The following NPHP4 variants were observed in gnomAD, a reference collection of about 807,000 sequenced individuals.
NPHP4 encodes the protein nephrocystin 4.
NPHP4 carries 151 observed loss-of-function variants against 155.8 expected under a neutral mutation model. That is an observed-to-expected ratio of 0.97 (90% CI 0.85 to 1.11). NPHP4 has a LOEUF of 1.11. Among genes scored for constraint, NPHP4 ranks in the 50% least tolerant of loss-of-function variants. The probability of loss-of-function intolerance (pLI) is 0.00; values close to 1 mark genes in which losing one functional copy is unlikely to be tolerated. For synonymous variants in NPHP4, 845 were observed against 816.8 expected, an observed-to-expected ratio of 1.03 and a Z score of -0.59; for missense variants, 1,956 against 1,925.7, an observed-to-expected ratio of 1.02 and a Z score of -0.29.
chr1:5,895,455 G>A (rs1045048862), intron 16 of NPHP4, among the ~76,000 whole-genome samples: 9 of 152,092 alleles, frequency 5.9e-5, no homozygotes, highest in Non-Finnish European at 1.0e-4. Flanking sequence ...TGCCAAGATC[G>A]CGCCACTGCA....
At chr1:5,870,711 T>A (rs1025393554) in intron 23 of NPHP4, among the ~76,000 whole-genome samples, 1 of 152,220 alleles carries the variant, frequency 6.6e-6, no homozygotes, top group Non-Finnish European at 1.5e-5. Flanking sequence ...AGCAACACGG[T>A]GTCCCTCACA....
At chr1:5,876,172 G>A (rs562938719) in intron 20 of NPHP4, 2 of 143,200 alleles carry the variant, frequency 1.4e-5, no homozygotes, top group East Asian at 4.8e-4. Context: ...CAGAGCTAAG[G>A]TTATCCAGGC....
intron 12 of NPHP4, among the ~76,000 whole-genome samples, chr1:5,908,595 C>T (rs1016239638): frequency 6.6e-6 from 1 of 152,194 alleles, no homozygotes; most frequent in Non-Finnish European, 1.5e-5. Flanking sequence ...AGACCGCTGG[C>T]GGGCAACGGC....
At position 5,890,889 on chromosome 1, in the gene NPHP4, T is replaced by G. The variant is rs1644089451; in HGVS notation, c.2283A>C (p.Gly761=). ...VWDGDSLLLI[G]SAAVQMKHLL... ...CTACCTTCATCTGGACGGCAGCAGA[T>G]CCGATGAGCAGCAGGGAGTCTCCGT... Residue 761 remains glycine, a synonymous_variant, in exon 17 of 30, where the codon GGA becomes GGC. Transcript: ENST00000378156. The surrounding 1 kb of genome is among the most constrained non-coding windows in gnomAD (Gnocchi z 4.9). The G allele has an allele frequency of 3.1e-6, 5 of 1,610,272 alleles. No homozygotes were observed. In the Admixed American group the frequency reaches 5.0e-5, roughly 16 times the overall value.
intron 18 of NPHP4, among the ~76,000 whole-genome samples, chr1:5,885,417 G>A (rs1643708871): frequency 6.6e-6 from 1 of 152,228 alleles, no homozygotes; most frequent in African/African-American, 2.4e-5. Flanking sequence ...CCACAACCAA[G>A]ATCACTGGGA....
At chr1:5,943,789 C>G (rs1378896397) in intron 9 of NPHP4, among the ~76,000 whole-genome samples, 4 of 152,082 alleles carry the variant, frequency 2.6e-5, no homozygotes, top group Non-Finnish European at 5.9e-5. Context: ...GAAATGCAGT[C>G]AAGGTTAGGT....
chr1:5,956,046 T>C (rs6660956), intron 6 of NPHP4, among the ~76,000 whole-genome samples: 53,176 of 130,324 alleles, frequency 0.41, 10,886 homozygotes, highest in East Asian at 0.77. Flanking sequence ...TTTAACAGAA[T>C]GTTTCAAAAA....
intron 9 of NPHP4, among the ~76,000 whole-genome samples, chr1:5,946,565 T>C (rs113546433): frequency 7.2e-5 from 11 of 152,378 alleles, no homozygotes; most frequent in East Asian, 3.8e-4. Context: ...TTGTGAAATA[T>C]GTATTTGATC....
At chr1:5,942,424 A>G (rs936546009) in intron 9 of NPHP4, among the ~76,000 whole-genome samples, 2 of 150,120 alleles carry the variant, frequency 1.3e-5, no homozygotes, top group East Asian at 4.0e-4. Context: ...CCAGCTACTC[A>G]GGAGGCTGAG....
At chr1:5,945,703 C>T (rs1198610103) in intron 9 of NPHP4, among the ~76,000 whole-genome samples, 1 of 152,204 alleles carries the variant, frequency 6.6e-6, no homozygotes, top group East Asian at 1.9e-4. Context: ...CAGGCCAGAT[C>T]GCCATGGAAG....
rs1570174397 is a variant in NPHP4, at chr1:5,879,257, C to T, written c.2611+857G>A. 1.4e-5 allele frequency: 4 copies of T among 277,054 alleles called. 1 individual carries two copies. The Admixed American group carries it at 2.0e-4, about 14-fold the overall frequency. The allele number at this position is 277,054 out of a possible 1,614,324, so 17.2% of individuals were successfully genotyped here. On this transcript the variant is annotated intron_variant, in intron 19 of 29. Coordinates refer to ENST00000378156, the MANE Select transcript of NPHP4 (RefSeq NM_015102.5). ...GCTGTGAATTCACACAGATGATCTG[C>T]AACCTCTGGGGAAAATGCTCCTTAA... is the stretch of plus-strand genomic sequence containing the variant.
intron 5 of NPHP4, among the ~76,000 whole-genome samples, chr1:5,964,470 T>C (rs901148302): frequency 6.6e-6 from 1 of 152,092 alleles, no homozygotes; most frequent in Non-Finnish European, 1.5e-5. Flanking sequence ...CATTAGCATA[T>C]CATTATAATG....
At position 5,874,552 on chromosome 1, in the gene NPHP4, C is replaced by T. The variant is rs776468806; in HGVS notation, c.3150G>A (p.Gln1050=). 26 of 1,604,118 alleles carry T rather than the reference C, an allele frequency of 1.6e-5. No homozygotes were observed. Among genetic ancestry groups the T allele is most frequent in the Non-Finnish European group, 2.1e-5 (25 of 1,176,150 alleles). Reference sequence around the variant, plus strand: ...CGGTCTCGTGGGGGCGCAGGTAGAGCTGGGGGGCCAGGCTGCCACGCAGGT... The same window carrying T: ...CGGTCTCGTGGGGGCGCAGGTAGAGTTGGGGGGCCAGGCTGCCACGCAGGT... ...MFHLRGSLAP[Q]LYLRPHETAH... Residue 1050 remains glutamine (Q), a synonymous_variant, in exon 22 of 30, where the codon CAG becomes CAA. Coordinates refer to ENST00000378156, the MANE Select transcript of NPHP4 (RefSeq NM_015102.5).
chr1:5,958,692 CA>C (rs35749567), intron 6 of NPHP4, among the ~76,000 whole-genome samples: 24,351 of 124,850 alleles, frequency 0.2, 2,106 homozygotes, highest in African/African-American at 0.25. Context: ...AAGACTGTCT[CA>C]AAAAAAAAAA....
At chr1:5,947,648 T>C (rs1450298263) in intron 8 of NPHP4, among the ~76,000 whole-genome samples, 3 of 152,152 alleles carry the variant, frequency 2.0e-5, no homozygotes, top group African/African-American at 7.2e-5. Context: ...CCTGGCACCA[T>C]GAGAGAGGAA....
At chr1:5,977,497 T>C (rs898878425) in intron 3 of NPHP4, among the ~76,000 whole-genome samples, 14 of 152,096 alleles carry the variant, frequency 9.2e-5, no homozygotes, top group Non-Finnish European at 1.6e-4. Context: ...GGTCTCCTCC[T>C]GAGAATTTAA....
At chr1:5,879,811 ACGCAAACACACACACACACG>A (rs1429495553) in intron 19 of NPHP4, among the ~76,000 whole-genome samples, 5 of 115,318 alleles carry the variant, frequency 4.3e-5, no homozygotes, top group African/African-American at 1.7e-4. Flanking sequence ...ACACACACAC[ACGCAAACACACACACACACG>A]CAAACACACA....
In NPHP4 at chr1:5,868,050, G is replaced by A. The variant is rs1178660918; in HGVS notation, c.3316-154C>T. On this transcript the variant is annotated intron_variant, in intron 23 of 29. Coordinates refer to ENST00000378156, the MANE Select transcript of NPHP4 (RefSeq NM_015102.5). ...GAAGGTCGGGCATCGTCAAAGGCAGGGACTGAGTCTGCAGCAGCAGGTCTC... is the reference window on the plus strand; with the variant it reads ...GAAGGTCGGGCATCGTCAAAGGCAGAGACTGAGTCTGCAGCAGCAGGTCTC... The A allele has an allele frequency of 6.0e-6, 5 of 835,138 alleles. No individual in the cohort carries two copies. The East Asian group carries it at 1.1e-4, about 18-fold the overall frequency. 51.7% of individuals were successfully genotyped at this position (835,138 alleles called of 1,614,324 possible). A position where few individuals can be genotyped will look rare whatever the true frequency, so the allele number is the denominator to read the frequency against.
rs887741075 is a variant in NPHP4, at chr1:5,877,038, A to G, written c.2817+55T>C. 14 of 1,166,644 alleles carry G rather than the reference A, an allele frequency of 1.2e-5. No individual in the cohort carries two copies. In the Admixed American group the frequency reaches 1.3e-4, roughly 11 times the overall value. 72.3% of individuals were successfully genotyped at this position (1,166,644 alleles called of 1,614,324 possible). A position where few individuals can be genotyped will look rare whatever the true frequency, so the allele number is the denominator to read the frequency against. ...TGGGAGGCAGGGAAAGGATGTGCACAGTGACTCAGTCTGCATGGAGATCCC... is the reference window on the plus strand; with the variant it reads ...TGGGAGGCAGGGAAAGGATGTGCACGGTGACTCAGTCTGCATGGAGATCCC... On this transcript the variant is annotated intron_variant, in intron 20 of 29. Transcript: ENST00000378156.
Sources: gnomAD v4.1 joint callset for allele counts (sites outside exome capture counted in the v4.1 genomes callset) on GRCh38, gnomAD v4.1.1 for gene constraint, Gnocchi (gnomAD v3.1) non-coding constraint, MANE v1.5 for transcripts, NCBI Gene and HGNC (gene_info 2026-07-23, HGNC 2026-07-21) for gene names.